TNRC6A: variants seen among roughly 807,000 people sequenced by gnomAD.
The protein encoded by TNRC6A is trinucleotide repeat containing adaptor 6A.
A neutral mutation model predicts 221.2 loss-of-function variants in TNRC6A; 44 were observed. The observed-to-expected ratio is 0.20, with a 90% CI of 0.16 to 0.26. The LOEUF is 0.26. Ranked by LOEUF, TNRC6A falls within the 10% of genes least tolerant of loss-of-function variation. The pLI, the probability that TNRC6A is intolerant of heterozygous loss-of-function variation, is 1.00. For synonymous variants in TNRC6A, 847 were observed against 838.5 expected, an observed-to-expected ratio of 1.01 and a Z score of -0.18; for missense variants, 2,199 against 2,404.4, an observed-to-expected ratio of 0.91 and a Z score of 1.79.
intron 5 of TNRC6A, among the ~76,000 whole-genome samples, chr16:24,777,650 C>T (rs911463089): frequency 2.0e-5 from 3 of 152,110 alleles, no homozygotes; most frequent in Non-Finnish European, 4.4e-5. Flanking sequence ...GAGCACCCTT[C>T]CCCCCAGGCC....
chr16:24,806,861 A>G (rs2058443598), intron 17 of TNRC6A, 77 bp downstream of exon 17: 3 of 1,349,334 alleles, frequency 2.2e-6, no homozygotes, highest in Non-Finnish European at 3.1e-6. Context: ...GTACCCTTAC[A>G]GCTCTGTTCC....
intron 2 of TNRC6A, among the ~76,000 whole-genome samples, chr16:24,644,130 A>G (rs1300354958): frequency 2.7e-5 from 3 of 112,896 alleles, no homozygotes; most frequent in Non-Finnish European, 4.9e-5. Context: ...TCTGTCGCCC[A>G]GGCTGGAGTG....
chr16:24,689,927 T>C (rs920137968), intron 2 of TNRC6A, among the ~76,000 whole-genome samples: 2 of 138,160 alleles, frequency 1.4e-5, no homozygotes, highest in Admixed American at 7.7e-5. Flanking sequence ...TTTTAAAAAA[T>C]TTTTGTAGAG....
chr16:24,723,388 G>A (rs61522855), intron 2 of TNRC6A, among the ~76,000 whole-genome samples: 33 of 152,084 alleles, frequency 2.2e-4, no homozygotes, highest in Non-Finnish European at 4.6e-4. Context: ...GAGGTCAGGG[G>A]TTCAAGATGA....
intron 2 of TNRC6A, among the ~76,000 whole-genome samples, chr16:24,747,687 T>A (rs1215190236): frequency 6.6e-6 from 1 of 152,244 alleles, no homozygotes; most frequent in Non-Finnish European, 1.5e-5. Flanking sequence ...GGAAAAAGCA[T>A]GACTGGTTGG....
At chr16:24,816,551 G>A (rs539179516) in intron 19 of TNRC6A, 26 of 358,664 alleles carry the variant, frequency 7.2e-5, no homozygotes, top group East Asian at 3.2e-4. Context: ...ACACAAGTAC[G>A]TATGTGTATA....
chr16:24,664,667 TTTATTA>T (rs200953454), intron 2 of TNRC6A, among the ~76,000 whole-genome samples: 4 of 142,340 alleles, frequency 2.8e-5, no homozygotes, highest in African/African-American at 1.0e-4. Context: ...AAATTTATTA[TTTATTA>T]TTTATTATTT....
chr16:24,738,518 A>G (rs959995993), intron 2 of TNRC6A, among the ~76,000 whole-genome samples: 3 of 151,922 alleles, frequency 2.0e-5, no homozygotes, highest in Middle Eastern at 3.2e-3. Context: ...GGACTTACCT[A>G]TTTTCGTTTA....
At chr16:24,725,649 T>C (rs2056478504), upstream of TNRC6A, among the ~76,000 whole-genome samples, 1 of 152,032 alleles carries the variant, frequency 6.6e-6, no homozygotes, top group African/African-American at 2.4e-5. Context: ...TAGAGCAACA[T>C]TCCTATCCTT....
intron 2 of TNRC6A, among the ~76,000 whole-genome samples, chr16:24,649,294 TTTTTG>T (rs199726399): frequency 1.3e-5 from 2 of 151,912 alleles, no homozygotes; most frequent in African/African-American, 4.8e-5. Context: ...TTTTCTTTGT[TTTTTG>T]TTTTGTTTTG....
intron 1 of TNRC6A, among the ~76,000 whole-genome samples, chr16:24,640,071 G>A (rs955852596): frequency 1.3e-5 from 2 of 152,184 alleles, no homozygotes; most frequent in Non-Finnish European, 2.9e-5. Context: ...AAGAATGATA[G>A]TTGGGTGGGG....
chr16:24,769,061 A>G (rs1163583259), intron 4 of TNRC6A, among the ~76,000 whole-genome samples: 1 of 152,232 alleles, frequency 6.6e-6, no homozygotes, highest in Non-Finnish European at 1.5e-5. Flanking sequence ...TTAAAATGGT[A>G]TTACAAATTT....
At chr16:24,822,168 G>A in intron 23 of TNRC6A, 21 bp downstream of exon 23, 2 of 1,612,454 alleles carry the variant, frequency 1.2e-6, no homozygotes, top group South Asian at 2.2e-5. Context: ...CAGATACGCT[G>A]GTTTATGTGG....
intron 2 of TNRC6A, among the ~76,000 whole-genome samples, chr16:24,738,453 G>T (rs763320608): frequency 3.3e-5 from 5 of 152,044 alleles, no homozygotes; most frequent in Non-Finnish European, 7.4e-5. Flanking sequence ...CTCCCCATTT[G>T]TCCCTTCCAC....
At chr16:24,627,487 C>T (rs371455466) in intron 1 of TNRC6A, among the ~76,000 whole-genome samples, 26 of 152,062 alleles carry the variant, frequency 1.7e-4, no homozygotes, top group African/African-American at 5.1e-4. Context: ...ATGACTGCCC[C>T]GGGAGACCTC....
intron 2 of TNRC6A, among the ~76,000 whole-genome samples, chr16:24,675,411 T>C (rs1330560802): frequency 6.6e-6 from 1 of 151,932 alleles, no homozygotes; most frequent in Non-Finnish European, 1.5e-5. Flanking sequence ...CCAGGCACTG[T>C]GGTTCATATG....
intron 2 of TNRC6A, among the ~76,000 whole-genome samples, chr16:24,687,849 A>AAGAG (rs2055662859): frequency 1.5e-5 from 2 of 130,044 alleles, no homozygotes; most frequent in South Asian, 3.5e-4. Flanking sequence ...AAGAGGAAGA[A>AAGAG]GAAGAAGAAG....
intron 2 of TNRC6A, among the ~76,000 whole-genome samples, chr16:24,687,517 A>G (rs1430054235): frequency 6.6e-6 from 1 of 152,164 alleles, no homozygotes; most frequent in Non-Finnish European, 1.5e-5. Flanking sequence ...GGCCAGGTGC[A>G]ATGGCTCATG....
rs541532590 is a variant in TNRC6A at position 24,625,502 on chromosome 16, G to A, written n.276+15018G>A. On this transcript the variant is annotated intron_variant and non_coding_transcript_variant, in intron 1 of 2. Coordinates refer to the TNRC6A transcript ENST00000566108. The stretch of plus-strand genomic sequence containing the variant: ...GCACTTTGGGAGGCCGAGGCGGGTG[G>A]ATCATGAGGTCAGGAGATCGAGACC... Among the ~76,000 whole-genome samples the A allele has an allele frequency of 1.2e-3, 182 of 152,066 alleles. 2 individuals are homozygous for A. Among genetic ancestry groups the A allele is most frequent in the Middle Eastern group, 3.4e-3 (1 of 294 alleles).
Sources: allele counts gnomAD v4.1 joint callset (sites outside exome capture counted in the v4.1 genomes callset), GRCh38; gene constraint gnomAD v4.1.1; transcripts MANE v1.5; gene names NCBI Gene and HGNC (gene_info 2026-07-23, HGNC 2026-07-21).